SDK1: variants seen among roughly 807,000 people sequenced by gnomAD.
The protein encoded by SDK1 is protein sidekick-1.
Under a neutral mutation model 245.5 loss-of-function variants are expected in SDK1, and 157 were observed. The observed-to-expected ratio is 0.64, with a 90% CI of 0.56 to 0.73. The LOEUF is 0.73. Ranked by LOEUF, SDK1 falls within the 30% of genes least tolerant of loss-of-function variation. The pLI is 0.00. For missense variants in SDK1, 3,583 were observed against 3,002.3 expected (o/e 1.19, Z -4.52); for synonymous variants, 1,647 against 1,278.5 (o/e 1.29, Z -6.15).
At chr7:3,384,873 A>G (rs2128568060) in intron 1 of SDK1, among the ~76,000 whole-genome samples, 1 of 152,334 alleles carries the variant, frequency 6.6e-6, no homozygotes, top group East Asian at 1.9e-4. Context: ...AGTATATAGC[A>G]GATAGTGAAA....
Position 4,258,622 on chromosome 7 carries a change from G to A in SDK1, c.6382-6502G>A, listed in dbSNP as rs144252741. Among the ~76,000 whole-genome samples, 307 of 152,248 alleles carry A rather than the reference G, an allele frequency of 2.0e-3. 1 individual carries two copies. The highest frequency in any genetic ancestry group is 6.3e-3 in the African/African-American group (260 of 41,548). ...CTGGTTTTGGCCCCGGTCTGGCCCC[G>A]GCCAGTATGACCCTAAGAAGGTCAC... is the stretch of plus-strand genomic sequence containing the variant. On this transcript the variant is annotated intron_variant, in intron 44 of 44. Transcript: ENST00000404826.
At chr7:4,141,885 C>A (rs1199331758) in intron 28 of SDK1, among the ~76,000 whole-genome samples, 1 of 151,788 alleles carries the variant, frequency 6.6e-6, no homozygotes, top group Non-Finnish European at 1.5e-5. Context: ...GCCTCCCGAG[C>A]AGTTGGCATT....
chr7:3,600,066 G>A (rs35669868), intron 1 of SDK1, among the ~76,000 whole-genome samples: 34,777 of 152,056 alleles, frequency 0.23, 4,198 homozygotes, highest in South Asian at 0.31. Context: ...TGGACATGGT[G>A]TGTCTCCTCA....
chr7:3,515,988 G>T (rs1013134457), intron 1 of SDK1, among the ~76,000 whole-genome samples: 16 of 151,982 alleles, frequency 1.1e-4, no homozygotes, highest in Non-Finnish European at 2.1e-4. Context: ...TCATTTCTTT[G>T]CTAATTGTTT....
At chr7:3,470,685 A>G (rs550384172) in intron 1 of SDK1, among the ~76,000 whole-genome samples, 1 of 152,262 alleles carries the variant, frequency 6.6e-6, no homozygotes, top group African/African-American at 2.4e-5. Context: ...ATGAATGTTT[A>G]CTTGAAAGGA....
At chr7:3,795,753 T>C (rs1778946646) in intron 4 of SDK1, among the ~76,000 whole-genome samples, 1 of 152,218 alleles carries the variant, frequency 6.6e-6, no homozygotes, top group Admixed American at 6.5e-5. Flanking sequence ...TTTGGTGTTC[T>C]TCCCATATTA....
intron 29 of SDK1, among the ~76,000 whole-genome samples, chr7:4,146,176 C>G (rs544899429): frequency 6.6e-5 from 10 of 151,142 alleles, no homozygotes; most frequent in Admixed American, 2.6e-4. Context: ...CAGCCTCACA[C>G]CTGCTCTCTC....
chr7:3,809,945 C>T (rs1482245855), intron 4 of SDK1, among the ~76,000 whole-genome samples: 1 of 152,244 alleles, frequency 6.6e-6, no homozygotes, highest in Non-Finnish European at 1.5e-5. Context: ...CAACGCTTCT[C>T]TGCAGAGGCT....
intron 1 of SDK1, among the ~76,000 whole-genome samples, chr7:3,475,892 G>T (rs1232971203): frequency 6.6e-6 from 1 of 152,050 alleles, no homozygotes; most frequent in Admixed American, 6.5e-5. Context: ...TGGGATTCCT[G>T]CCCAAACCAT....
chr7:3,760,137 G>A (rs968474470), intron 4 of SDK1, among the ~76,000 whole-genome samples: 10 of 152,064 alleles, frequency 6.6e-5, no homozygotes, highest in African/African-American at 2.4e-4. Context: ...TAAATAAAGA[G>A]ATGTCTTTTT....
intron 17 of SDK1, among the ~76,000 whole-genome samples, chr7:4,021,543 G>C (rs1786896099): frequency 6.6e-6 from 1 of 152,198 alleles, no homozygotes; most frequent in South Asian, 2.1e-4. Flanking sequence ...GGTCATCAGA[G>C]ATTCAGGGTT....
At chr7:3,501,504 C>T (rs947848801) in intron 1 of SDK1, among the ~76,000 whole-genome samples, 3 of 152,018 alleles carry the variant, frequency 2.0e-5, no homozygotes, top group Non-Finnish European at 2.9e-5. Flanking sequence ...TTTGATGACC[C>T]AGGAGCATGT....
In SDK1 at chr7:3,947,624, A is replaced by G. The variant is rs1045269862; in HGVS notation, c.848-3299A>G. 4.0e-5 allele frequency among the ~76,000 whole-genome samples: 6 copies of G among 151,470 alleles called. No individual in the cohort carries two copies. The South Asian group carries it at 6.2e-4, about 16-fold the overall frequency. On this transcript the variant is annotated intron_variant, in intron 5 of 44. Coordinates refer to ENST00000404826, the MANE Select transcript of SDK1 (RefSeq NM_152744.4). ...GTATATCTTTTAAAAATACATATAT[A>G]TCTATATGTGTATCTATATCTGTTG...
At chr7:3,385,598 TG>T (rs1319976795) in intron 1 of SDK1, among the ~76,000 whole-genome samples, 3 of 152,124 alleles carry the variant, frequency 2.0e-5, no homozygotes, top group African/African-American at 7.2e-5. Context: ...CAAGGTGACT[TG>T]CCATTTCTTT....
chr7:3,725,924 C>A (rs1417927399), intron 4 of SDK1, among the ~76,000 whole-genome samples: 1 of 152,186 alleles, frequency 6.6e-6, no homozygotes, highest in South Asian at 2.1e-4. Flanking sequence ...GCTTACATCA[C>A]AAAATAATGA....
At chr7:4,113,572 A>G (rs1222595477) in intron 24 of SDK1, 133 bp downstream of exon 24, 24 of 1,013,030 alleles carry the variant, frequency 2.4e-5, no homozygotes, top group Non-Finnish European at 3.5e-5. Flanking sequence ...GTCAAACCAA[A>G]AAGTATTGCA....
intron 5 of SDK1, among the ~76,000 whole-genome samples, chr7:3,949,705 ATGT>A (rs1393707163): frequency 2.5e-4 from 38 of 152,128 alleles, no homozygotes; most frequent in African/African-American, 8.5e-4. Flanking sequence ...TTTAATTTTG[ATGT>A]TAAATGTATT....
intron 1 of SDK1, among the ~76,000 whole-genome samples, chr7:3,616,604 A>G (rs1781780481): frequency 6.6e-6 from 1 of 152,198 alleles, no homozygotes; most frequent in African/African-American, 2.4e-5. Context: ...CCGTACTCAT[A>G]GATGCAATTT....
chr7:3,967,232 C>T, intron 9 of SDK1, 86 bp from the exon 10 acceptor site: 1 of 1,048,602 alleles, frequency 9.5e-7, no homozygotes, highest in Admixed American at 1.8e-5. Flanking sequence ...GATTGGCTCT[C>T]TAAAGCCCGT....
Sources: allele counts gnomAD v4.1 joint callset (sites outside exome capture counted in the v4.1 genomes callset), GRCh38; gene constraint gnomAD v4.1.1; transcripts MANE v1.5; gene names NCBI Gene and HGNC (gene_info 2026-07-23, HGNC 2026-07-21).